Variants in SPIRE2 observed in about 807,000 individuals in gnomAD.
SPIRE2 encodes the protein protein spire homolog 2.
Under a neutral mutation model 80.7 loss-of-function variants are expected in SPIRE2, and 76 were observed. The observed-to-expected ratio is 0.94, with a 90% CI of 0.78 to 1.14. SPIRE2 has a LOEUF of 1.14. Ranked by LOEUF, SPIRE2 falls within the 50% of genes most tolerant of loss-of-function variation. The pLI is 0.00. For synonymous variants in SPIRE2, 535 were observed against 432.6 expected, an observed-to-expected ratio of 1.24 and a Z score of -2.94; for missense variants, 1,196 against 1,015.3, an observed-to-expected ratio of 1.18 and a Z score of -2.42.
intron 1 of SPIRE2, among the ~76,000 whole-genome samples, chr16:89,839,144 A>G (rs1250875421): frequency 6.6e-6 from 1 of 152,082 alleles, no homozygotes; most frequent in Admixed American, 6.5e-5. Context: ...GATCGAGACC[A>G]TCCTGGCTAA....
At chr16:89,848,850 C>G (rs1169694715) in intron 2 of SPIRE2, among the ~76,000 whole-genome samples, 1 of 150,392 alleles carries the variant, frequency 6.6e-6, no homozygotes, top group Non-Finnish European at 1.5e-5. Context: ...TTTTGCAGGT[C>G]AGACGAGGCA....
chr16:89,835,752 G>A (rs755473319), intron 1 of SPIRE2, among the ~76,000 whole-genome samples: 7 of 152,164 alleles, frequency 4.6e-5, no homozygotes, highest in East Asian at 1.9e-4. Context: ...CGGGGAAGTC[G>A]AGGACACCTG....
intron 2 of SPIRE2, chr16:89,849,936 C>CA: frequency 2.7e-6 from 1 of 373,106 alleles, no homozygotes; most frequent in South Asian, 2.1e-5. Context: ...CTCCCAGGTT[C>CA]AAGCGATTCT....
chr16:89,855,190 G>A (rs1366349588), intron 5 of SPIRE2, among the ~76,000 whole-genome samples: 3 of 152,000 alleles, frequency 2.0e-5, no homozygotes, highest in East Asian at 1.9e-4. Context: ...TGCCCACCTC[G>A]GCCTCCCAAA....
intron 1 of SPIRE2, among the ~76,000 whole-genome samples, chr16:89,835,233 G>A (rs936465689): frequency 6.9e-6 from 1 of 144,214 alleles, no homozygotes; most frequent in African/African-American, 3.0e-5. Context: ...CGTCTTAGAA[G>A]CGTGGATAAG....
chr16:89,836,048 G>A (rs929704951), intron 1 of SPIRE2, among the ~76,000 whole-genome samples: 5 of 152,096 alleles, frequency 3.3e-5, no homozygotes, highest in East Asian at 1.9e-4. Flanking sequence ...GGTGGCGGGC[G>A]TCTGTAGTCC....
At chr16:89,843,695 TTTG>T (rs775363814) in intron 1 of SPIRE2, among the ~76,000 whole-genome samples, 19,741 of 60,448 alleles carry the variant, frequency 0.33, 5,441 homozygotes, top group East Asian at 0.64. Flanking sequence ...GTTTTTGTTT[TTTG>T]TTTTTTTTTT....
At chr16:89,864,863 T>C (rs957135141) in intron 12 of SPIRE2, among the ~76,000 whole-genome samples, 1 of 152,172 alleles carries the variant, frequency 6.6e-6, no homozygotes, top group Non-Finnish European at 1.5e-5. Flanking sequence ...CTCAGCAAGA[T>C]AAAATGTGTG....
intron 2 of SPIRE2, chr16:89,845,724 A>C: frequency 1.6e-6 from 1 of 636,460 alleles, no homozygotes; most frequent in Non-Finnish European, 2.8e-6. Context: ...AGGAAAAATC[A>C]GCCTGGTGAC....
chr16:89,860,728 G>C lies in SPIRE2; in HGVS notation c.1508G>C (p.Ser503Thr), dbSNP rs2041735499. 4 of 1,589,666 alleles carry C rather than the reference G, an allele frequency of 2.5e-6. No individual in the cohort carries two copies. Among genetic ancestry groups the C allele is most frequent in the African/African-American group, 1.4e-5 (1 of 74,052 alleles). The change falls in exon 10 of 15, where the codon AGC becomes ACC. Residue 503 changes from serine (S) to threonine (T), a missense_variant. Transcript: ENST00000378247. The stretch of plus-strand genomic sequence containing the variant: ...TCTGACCCCAGCCACCCCCTACTCA[G>C]CAACCGGGGCTCCTCGGGGGACAGA... Reference protein sequence around the residue: ...SVSDPSHPLLSNRGSSGDRPE... With the variant: ...SVSDPSHPLLTNRGSSGDRPE...
rs1411888487 is a variant in SPIRE2 at position 89,856,110 on chromosome 16, C to T, written c.979-3C>T. 2 of 1,611,536 alleles carry T rather than the reference C, an allele frequency of 1.2e-6. No homozygotes were observed. Among genetic ancestry groups the T allele is most frequent in the Non-Finnish European group, 8.5e-7 (1 of 1,179,582 alleles). ...CACCGCAGGTCTCGCTTCCCCACCG[C>T]AGGTCTCTGAGAGGCGGCTGCGCCC... On this transcript the variant is annotated splice_polypyrimidine_tract_variant and splice_region_variant and intron_variant, in intron 6 of 14. Transcript: ENST00000378247.
chr16:89,850,325 G>A lies in SPIRE2; in HGVS notation c.310G>A (p.Ala104Thr), dbSNP rs373894738. 187 of 1,601,686 alleles carry A rather than the reference G, an allele frequency of 1.2e-4. No individual in the cohort carries two copies. The highest frequency in any genetic ancestry group is 1.5e-4 in the Non-Finnish European group (177 of 1,176,604). ...EAQTVQSLGFAIYRALDWGLD... is the reference protein window; with the variant it reads ...EAQTVQSLGFTIYRALDWGLD... ...GCAGACCGTGCAGTCCCTCGGCTTC[G>A]CCATCTACCGCGCGCTGGACTGGGG... Residue 104 changes from alanine (A) to threonine (T), a missense_variant, in exon 3 of 15, where the codon GCC becomes ACC. By Grantham distance (58) the Ala-to-Thr change is moderately conservative. Coordinates refer to ENST00000378247, the MANE Select transcript of SPIRE2 (RefSeq NM_032451.2).
intron 10 of SPIRE2, chr16:89,862,159 GCA>G (rs2041750614): frequency 6.6e-6 from 1 of 151,958 alleles, no homozygotes; most frequent in Non-Finnish European, 1.5e-5. Context: ...GCCCACCACC[GCA>G]CCCGGCTAAT....
intron 12 of SPIRE2, 54 bp from the exon 13 acceptor site, chr16:89,868,135 G>A (rs2041805842): frequency 1.2e-6 from 2 of 1,610,372 alleles, no homozygotes; most frequent in South Asian, 1.1e-5. Flanking sequence ...CTGTTTCTCA[G>A]CTGTTTGTGG....
chr16:89,869,386 G>C (rs995414596), intron 13 of SPIRE2, among the ~76,000 whole-genome samples, 181 bp from the exon 14 acceptor site: 1 of 152,034 alleles, frequency 6.6e-6, no homozygotes, highest in Non-Finnish European at 1.5e-5. Context: ...CAGGAACCCC[G>C]TGCCAGTCTT....
chr16:89,834,488 G>A (rs538925127), intron 1 of SPIRE2, among the ~76,000 whole-genome samples: 62 of 100,348 alleles, frequency 6.2e-4, no homozygotes, highest in African/African-American at 2.2e-3. Flanking sequence ...GCCCGCACTC[G>A]CGGTTGGCCA....
In SPIRE2 at chr16:89,871,123, CT is replaced by C; in HGVS notation, c.*853del. The stretch of plus-strand genomic sequence containing the variant: ...GGTCCGTGCCAAGCTGCTCCCTGCC[CT>C]TGCCCTTTCCCTTTCCCTGGGGTCC... On this transcript the variant is annotated 3_prime_UTR_variant, in exon 15 of 15. Coordinates refer to ENST00000378247, the MANE Select transcript of SPIRE2 (RefSeq NM_032451.2). 1 of 123,112 alleles carries C rather than the reference CT, an allele frequency of 8.1e-6. No individual in the cohort carries two copies. The highest frequency in any genetic ancestry group is 1.7e-5 in the Non-Finnish European group (1 of 57,672). The allele number at this position is 123,112 out of a possible 1,614,324, so 7.6% of individuals were successfully genotyped here. A position where few individuals can be genotyped will look rare whatever the true frequency, so the allele number is the denominator to read the frequency against.
intron 1 of SPIRE2, among the ~76,000 whole-genome samples, chr16:89,832,639 T>C (rs902365860): frequency 2.6e-5 from 4 of 152,028 alleles, no homozygotes; most frequent in African/African-American, 7.2e-5. Flanking sequence ...CCCTCGGAGC[T>C]CAGGCCCTGC....
At chr16:89,829,804 G>T (rs1359237538) in intron 1 of SPIRE2, among the ~76,000 whole-genome samples, 1 of 151,496 alleles carries the variant, frequency 6.6e-6, no homozygotes, top group African/African-American at 2.4e-5. Flanking sequence ...ACTCCCTCTG[G>T]AGAAACCTGA....
Sources: allele counts gnomAD v4.1 joint callset (sites outside exome capture counted in the v4.1 genomes callset), GRCh38; gene constraint gnomAD v4.1.1; transcripts MANE v1.5; gene names NCBI Gene and HGNC (gene_info 2026-07-23, HGNC 2026-07-21).